RBMS3: variants seen among roughly 807,000 people sequenced by gnomAD.
RBMS3 encodes the protein RNA-binding motif, single-stranded-interacting protein 3.
RBMS3 carries 27 observed loss-of-function variants against 66.8 expected under a neutral mutation model. The ratio of observed to expected loss-of-function variants is 0.40; its 90% CI spans 0.30 to 0.56. The LOEUF is 0.56. RBMS3 is among the 20% of genes least tolerant of loss of function. RBMS3 has a pLI of 0.40. For synonymous variants in RBMS3, 188 were observed against 183.0 expected (o/e 1.03, Z -0.22); for missense variants, 513 against 549.5 (o/e 0.93, Z 0.66).
intron 4 of RBMS3, among the ~76,000 whole-genome samples, chr3:29,652,896 T>G (rs981729530): frequency 6.6e-6 from 1 of 152,276 alleles, no homozygotes; most frequent in East Asian, 1.9e-4. Flanking sequence ...TTTCAATTTC[T>G]TTGGTGTAAA....
At chr3:29,957,002 A>C (rs1330970519) in intron 12 of RBMS3, among the ~76,000 whole-genome samples, 1 of 152,142 alleles carries the variant, frequency 6.6e-6, no homozygotes, top group Non-Finnish European at 1.5e-5. Context: ...GGAGTAGATA[A>C]ACATGAGCAA....
intron 4 of RBMS3, among the ~76,000 whole-genome samples, chr3:29,651,251 G>T (rs953531436): frequency 4.6e-5 from 7 of 152,156 alleles, no homozygotes; most frequent in Non-Finnish European, 1.0e-4. Context: ...TGTAAAACAT[G>T]TTCAGTGTGT....
intron 12 of RBMS3, among the ~76,000 whole-genome samples, chr3:29,980,895 G>A (rs772929436): frequency 3.3e-5 from 5 of 152,206 alleles, no homozygotes; most frequent in Admixed American, 2.0e-4. Flanking sequence ...TTTTGCTTAG[G>A]ATTGTCTTGG....
rs144808927 is a variant in RBMS3 at position 29,646,140 on chromosome 3, A to G, written c.399+58935A>G. Among the ~76,000 whole-genome samples the G allele has an allele frequency of 7.0e-3, 1,070 of 152,342 alleles. 33 individuals carry two copies. The highest frequency in any genetic ancestry group is 0.048 in the Admixed American group (741 of 15,298). ...ATTTAAATTCATTCACATTAAATAC[A>G]AATTCAGTTCCTTAATTGTACTGGT... On this transcript the variant is annotated intron_variant, in intron 4 of 14. Coordinates refer to ENST00000383767, the MANE Select transcript of RBMS3 (RefSeq NM_001003793.3).
rs1470011284 is a variant in RBMS3 at position 29,991,059 on chromosome 3, T to C, written c.1180-23T>C. The C allele has an allele frequency of 2.2e-5, 35 of 1,611,488 alleles. No homozygotes were observed. In the Admixed American group the frequency reaches 4.7e-4, roughly 22 times the overall value. ...CCTTCACTGAAGCAAGTAAGGCTTT[T>C]ATGTTCTTATTTGCCTCCTTAGGGT... On this transcript the variant is annotated intron_variant, in intron 13 of 14. Coordinates refer to ENST00000383767, the MANE Select transcript of RBMS3 (RefSeq NM_001003793.3).
chr3:29,761,497 G>T (rs1452255530), intron 5 of RBMS3, among the ~76,000 whole-genome samples: 1 of 152,046 alleles, frequency 6.6e-6, no homozygotes, highest in Non-Finnish European at 1.5e-5. Flanking sequence ...AAGCTGCCCA[G>T]CTCAGCCCCC....
intron 2 of RBMS3, among the ~76,000 whole-genome samples, chr3:29,443,127 C>G (rs2041688151): frequency 6.6e-6 from 1 of 152,108 alleles, no homozygotes. Flanking sequence ...TATTCTTGGA[C>G]TTATCCCTTC....
intron 4 of RBMS3, among the ~76,000 whole-genome samples, chr3:29,632,320 T>C (rs1478624008): frequency 1.3e-5 from 2 of 151,932 alleles, no homozygotes; most frequent in African/African-American, 4.8e-5. Context: ...TAAATCTCTT[T>C]TGTCATTTTT....
chr3:29,597,306 C>T (rs2047978578), intron 4 of RBMS3, among the ~76,000 whole-genome samples: 1 of 151,738 alleles, frequency 6.6e-6, no homozygotes, highest in African/African-American at 2.4e-5. Flanking sequence ...GAAAGTGAAA[C>T]CTAAAGATAA....
chr3:29,974,252 A>G (rs1697411443), intron 12 of RBMS3, among the ~76,000 whole-genome samples: 1 of 151,888 alleles, frequency 6.6e-6, no homozygotes, highest in South Asian at 2.1e-4. Flanking sequence ...TGCCAAGCCC[A>G]CCACCTTTCA....
At chr3:29,656,618 G>A (rs939858884) in intron 4 of RBMS3, among the ~76,000 whole-genome samples, 1 of 152,144 alleles carries the variant, frequency 6.6e-6, no homozygotes, top group Non-Finnish European at 1.5e-5. Flanking sequence ...CTCACAATGT[G>A]AGTTCATGAG....
intron 6 of RBMS3, among the ~76,000 whole-genome samples, chr3:29,792,836 CAAAGCAAAGCAAT>C (rs1395549873): frequency 6.6e-6 from 1 of 152,004 alleles, no homozygotes. Context: ...TAAATGGAAC[CAAAGCAAAGCAAT>C]AAAGAAAAAT....
chr3:29,310,322 A>G (rs1206298277), intron 1 of RBMS3, among the ~76,000 whole-genome samples: 3 of 151,688 alleles, frequency 2.0e-5, no homozygotes, highest in Non-Finnish European at 4.4e-5. Context: ...GGATAAGGTC[A>G]TATCTGGAGA....
At chr3:29,664,370 C>G (rs2050672482) in intron 4 of RBMS3, among the ~76,000 whole-genome samples, 1 of 152,040 alleles carries the variant, frequency 6.6e-6, no homozygotes, top group South Asian at 2.1e-4. Flanking sequence ...CGCCTGTAGT[C>G]CCAGCTACTC....
At chr3:29,362,919 C>G (rs1203527067) in intron 1 of RBMS3, among the ~76,000 whole-genome samples, 2 of 152,222 alleles carry the variant, frequency 1.3e-5, no homozygotes, top group African/African-American at 2.4e-5. Context: ...CATATATTAT[C>G]TATCTATCTA....
chr3:29,578,638 A>G (rs912354578), intron 3 of RBMS3, among the ~76,000 whole-genome samples: 24 of 152,136 alleles, frequency 1.6e-4, no homozygotes, highest in African/African-American at 5.8e-4. Context: ...TGAAGGGGGA[A>G]ATCATGGATG....
At chr3:29,315,302 A>G (rs1338523463) in intron 1 of RBMS3, among the ~76,000 whole-genome samples, 1 of 151,700 alleles carries the variant, frequency 6.6e-6, no homozygotes, top group Non-Finnish European at 1.5e-5. Flanking sequence ...AAAAAAACCC[A>G]AAAATATGTA....
chr3:29,777,668 T>C (rs986507570), intron 6 of RBMS3, among the ~76,000 whole-genome samples: 1 of 151,976 alleles, frequency 6.6e-6, no homozygotes, highest in African/African-American at 2.4e-5. Flanking sequence ...TCCTGCTTTC[T>C]ATTGCTACTT....
rs1313954420 is a variant in RBMS3 at position 29,922,358 on chromosome 3, G to A, written c.940-13728G>A. Reference sequence around the variant, plus strand: ...AAAAATTAGCCGGGCGCGGTGGCGGGCGCCTGTAGTCCCAGCTACTCGGGA... The same window carrying A: ...AAAAATTAGCCGGGCGCGGTGGCGGACGCCTGTAGTCCCAGCTACTCGGGA... On this transcript the variant is annotated intron_variant, in intron 10 of 14. Coordinates refer to ENST00000383767, the MANE Select transcript of RBMS3 (RefSeq NM_001003793.3). Among the ~76,000 whole-genome samples the A allele has an allele frequency of 2.0e-5, 3 of 151,406 alleles. 1 individual carries two copies. The highest frequency in any genetic ancestry group is 4.4e-5 in the Non-Finnish European group (3 of 67,814).
Sources: allele counts gnomAD v4.1 joint callset (sites outside exome capture counted in the v4.1 genomes callset), GRCh38; gene constraint gnomAD v4.1.1; transcripts MANE v1.5; gene names NCBI Gene and HGNC (gene_info 2026-07-23, HGNC 2026-07-21).